SERPINB11: variants seen among roughly 807,000 people sequenced by gnomAD.
The protein encoded by SERPINB11 is serpin family B member 11.
SERPINB11 carries 32 observed loss-of-function variants against 36.7 expected under a neutral mutation model. The observed-to-expected ratio is 0.87, with a 90% CI of 0.66 to 1.17. SERPINB11 has a LOEUF of 1.17. Ranked by LOEUF, SERPINB11 falls within the 50% of genes most tolerant of loss-of-function variation. The pLI is 0.00. For synonymous variants in SERPINB11, 174 were observed against 168.1 expected (o/e 1.04, Z -0.27); for missense variants, 528 against 458.4 (o/e 1.15, Z -1.39).
intron 1 of SERPINB11, among the ~76,000 whole-genome samples, chr18:63,708,865 A>G (rs1198972897): frequency 2.0e-5 from 3 of 152,190 alleles, no homozygotes; most frequent in African/African-American, 7.2e-5. Flanking sequence ...CTAGAGGTTG[A>G]GAATTGAGAA....
At chr18:63,721,661 G>GGT (rs150449198) in intron 7 of SERPINB11, among the ~76,000 whole-genome samples, 5 of 151,850 alleles carry the variant, frequency 3.3e-5, no homozygotes, top group Non-Finnish European at 5.9e-5. Context: ...AGGTGAGCAA[G>GGT]GTGTGTGTGT....
At chr18:63,716,181 A>T in intron 5 of SERPINB11, 29 bp downstream of exon 5, 1 of 1,431,310 alleles carries the variant, frequency 7.0e-7, no homozygotes, top group Non-Finnish European at 9.7e-7. Flanking sequence ...GTGTCTCTAA[A>T]CTCTGTGTTG....
At chr18:63,704,081 C>A (rs999046331) in intron 1 of SERPINB11, among the ~76,000 whole-genome samples, 1 of 152,166 alleles carries the variant, frequency 6.6e-6, no homozygotes, top group Admixed American at 6.5e-5. Flanking sequence ...CTTCTGCCTT[C>A]CATAAGTTCT....
chr18:63,714,989 A>G (rs985797035), intron 4 of SERPINB11, among the ~76,000 whole-genome samples: 6 of 152,194 alleles, frequency 3.9e-5, no homozygotes, highest in Admixed American at 2.0e-4. Context: ...TTATAAAAGT[A>G]TTAATTTGAG....
At chr18:63,707,119 C>T (rs116431975) in intron 1 of SERPINB11, among the ~76,000 whole-genome samples, 75 of 152,312 alleles carry the variant, frequency 4.9e-4, no homozygotes, top group African/African-American at 1.6e-3. Context: ...CTAATCCAGG[C>T]TTGCTCTTGG....
At chr18:63,707,322 T>C (rs189852372) in intron 1 of SERPINB11, among the ~76,000 whole-genome samples, 97 of 152,292 alleles carry the variant, frequency 6.4e-4, no homozygotes, top group African/African-American at 2.3e-3. Flanking sequence ...ATCAGAAAGA[T>C]GATATGAACT....
In SERPINB11 at chr18:63,704,383, C is replaced by G. The variant is rs998951314; in HGVS notation, c.-16+1377C>G. Among the ~76,000 whole-genome samples the G allele has an allele frequency of 1.2e-4, 19 of 152,230 alleles. 1 individual carries two copies. The highest frequency in any genetic ancestry group is 9.8e-4 in the Admixed American group (15 of 15,284). On this transcript the variant is annotated intron_variant, in intron 1 of 7. Transcript: ENST00000544088. ...GTTAAATATATGGTTAACATAGAAA[C>G]TCCATTGTGAAAGATCTCTGCAAAC...
At chr18:63,703,966 T>TGAC (rs1555687177) in intron 1 of SERPINB11, among the ~76,000 whole-genome samples, 2 of 151,586 alleles carry the variant, frequency 1.3e-5, no homozygotes, top group Non-Finnish European at 2.9e-5. Context: ...CTCATTTGCT[T>TGAC]GAAGATTTTT....
At chr18:63,704,730 C>G (rs558008771) in intron 1 of SERPINB11, among the ~76,000 whole-genome samples, 1 of 152,228 alleles carries the variant, frequency 6.6e-6, no homozygotes, top group East Asian at 1.9e-4. Flanking sequence ...TGAAGTGAGG[C>G]GAACATCATC....
chr18:63,710,651 T>C (rs775289252), intron 2 of SERPINB11, among the ~76,000 whole-genome samples: 6 of 152,234 alleles, frequency 3.9e-5, no homozygotes, highest in Non-Finnish European at 7.3e-5. Flanking sequence ...GTGATTTAAA[T>C]GTGATAAAGG....
chr18:63,719,142 A>G (rs1022968653), intron 5 of SERPINB11, among the ~76,000 whole-genome samples: 1 of 152,104 alleles, frequency 6.6e-6, no homozygotes, highest in African/African-American at 2.4e-5. Context: ...TTTTGGCACG[A>G]ATGAAAAGAT....
At chr18:63,711,308 A>G in intron 2 of SERPINB11, 27 bp from the exon 3 acceptor site, 1 of 1,562,990 alleles carries the variant, frequency 6.4e-7, no homozygotes. Flanking sequence ...TTCTGATGCC[A>G]AAAGATCCCT....
Position 63,712,584 on chromosome 18 carries a change from T to A in SERPINB11, c.248T>A (p.Ile83Asn). The A allele has an allele frequency of 6.2e-7, 1 of 1,613,802 alleles. No individual in the cohort carries two copies. Among genetic ancestry groups the A allele is most frequent in the Non-Finnish European group, 8.5e-7 (1 of 1,179,714 alleles). The change falls in exon 4 of 8, where the codon ATT (isoleucine) becomes AAT (asparagine). Residue 83 changes from isoleucine to asparagine, a missense_variant. By Grantham distance (149) the Ile-to-Asn change is moderately radical. Transcript: ENST00000544088. ...DSPKCSQAGR[I>N]HSEFGVEFSQ... The stretch of plus-strand genomic sequence containing the variant: ...CTTCAGTGCAGCCAAGCTGGAAGAA[T>A]TCATTCCGAGTTTGGTGTCGAATTC...
chr18:63,719,203 T>G (rs894827407), intron 5 of SERPINB11, among the ~76,000 whole-genome samples: 2 of 152,102 alleles, frequency 1.3e-5, no homozygotes, highest in Non-Finnish European at 2.9e-5. Context: ...ATGTTATATA[T>G]TTATGTAGAA....
chr18:63,716,298 C>A (rs920393258), intron 5 of SERPINB11, 146 bp downstream of exon 5: 3 of 507,624 alleles, frequency 5.9e-6, no homozygotes, highest in African/African-American at 2.0e-5. Context: ...TTTGGAATAC[C>A]CCTTACAATC....
At chr18:63,707,178 C>A (rs1261140550) in intron 1 of SERPINB11, among the ~76,000 whole-genome samples, 1 of 152,168 alleles carries the variant, frequency 6.6e-6, no homozygotes, top group East Asian at 1.9e-4. Context: ...TCCATGAAAT[C>A]TGCATTAAAG....
intron 7 of SERPINB11, among the ~76,000 whole-genome samples, chr18:63,722,196 TACTTTGGA>T (rs1914832445): frequency 6.6e-6 from 1 of 152,142 alleles, no homozygotes; most frequent in South Asian, 2.1e-4. Context: ...AAGGAAAAGA[TACTTTGGA>T]AGAAAAACCA....
intron 1 of SERPINB11, among the ~76,000 whole-genome samples, chr18:63,708,132 T>C (rs907310856): frequency 4.6e-5 from 7 of 152,132 alleles, no homozygotes; most frequent in Non-Finnish European, 8.8e-5. Flanking sequence ...ATGGCTAAAT[T>C]GGAGTGAGCT....
At chr18:63,717,363 T>C (rs1914695722) in intron 5 of SERPINB11, among the ~76,000 whole-genome samples, 1 of 152,112 alleles carries the variant, frequency 6.6e-6, no homozygotes, top group African/African-American at 2.4e-5. Flanking sequence ...CTGGTACACA[T>C]ATGTATGCAC....
Sources: allele counts gnomAD v4.1 joint callset (sites outside exome capture counted in the v4.1 genomes callset), GRCh38; gene constraint gnomAD v4.1.1; transcripts MANE v1.5; gene names NCBI Gene and HGNC (gene_info 2026-07-23, HGNC 2026-07-21).